RFX2: variants seen among roughly 807,000 people sequenced by gnomAD.
RFX2 encodes DNA-binding protein RFX2.
RFX2 carries 20 observed loss-of-function variants against 87.8 expected under a neutral mutation model. The observed-to-expected ratio is 0.23, with a 90% CI of 0.16 to 0.33. RFX2 has a LOEUF of 0.33. Among genes scored for constraint, RFX2 ranks in the 10% least tolerant of loss-of-function variants. The pLI, the probability that RFX2 is intolerant of heterozygous loss-of-function variation, is 1.00. For missense variants in RFX2, 767 were observed against 1,012.3 expected (o/e 0.76, Z 3.29); for synonymous variants, 397 against 431.3 (o/e 0.92, Z 0.98).
chr19:6,033,104 A>C (rs2086971705), intron 5 of RFX2, among the ~76,000 whole-genome samples: 1 of 152,122 alleles, frequency 6.6e-6, no homozygotes, highest in Non-Finnish European at 1.5e-5. Flanking sequence ...CGATTCTTAG[A>C]GCCACTGGGA....
chr19:6,005,962 A>G (rs1266576049), intron 12 of RFX2, among the ~76,000 whole-genome samples: 3 of 152,172 alleles, frequency 2.0e-5, no homozygotes, highest in Non-Finnish European at 4.4e-5. Flanking sequence ...CCAGGGCTGC[A>G]CACAGGCTAC....
intron 5 of RFX2, among the ~76,000 whole-genome samples, chr19:6,028,886 C>T (rs986769295): frequency 3.3e-5 from 5 of 152,008 alleles, no homozygotes; most frequent in Non-Finnish European, 7.4e-5. Context: ...ACCAGCCTGG[C>T]TAACATGGTG....
At position 6,024,736 on chromosome 19, in the gene RFX2, C is replaced by T. The variant is rs1346837404; in HGVS notation, c.597+1427G>A. 1.3e-5 allele frequency among the ~76,000 whole-genome samples: 2 copies of T among 150,718 alleles called. No homozygotes were observed. Among genetic ancestry groups the T allele is most frequent in the African/African-American group, 2.4e-5 (1 of 40,850 alleles). ...ATCACAGTGAGGACGGGAGTGAGGACGGGATCACGGTGAGGACGGGAGTGA... is the reference window on the plus strand; with the variant it reads ...ATCACAGTGAGGACGGGAGTGAGGATGGGATCACGGTGAGGACGGGAGTGA... On this transcript the variant is annotated intron_variant, in intron 6 of 17. Transcript: ENST00000303657. This position sits in a 1 kb window ranked among gnomAD's most constrained non-coding sequence, Gnocchi z 5.0.
chr19:6,073,170 G>T, intron 1 of RFX2: 1 of 461,366 alleles, frequency 2.2e-6, no homozygotes, highest in Non-Finnish European at 4.0e-6. Flanking sequence ...ATTAGAGACG[G>T]GGTTTCACCA....
rs761572393 is a variant in RFX2, at chr19:6,007,082, C to T, written c.1332G>A (p.Arg444=). The change falls in exon 12 of 18, where the codon AGG becomes AGA. Residue 444 remains arginine (R), a synonymous_variant. Transcript: ENST00000303657. This position sits in a 1 kb window ranked among gnomAD's most constrained non-coding sequence, Gnocchi z 8.2. ...CQCDPILRWM[R]SCDHILYQAL... The stretch of plus-strand genomic sequence containing the variant: ...CCTGGTAGAGGATGTGGTCGCAGCT[C>T]CTCATCCACCTGAGGATGGGGTCGC... The T allele has an allele frequency of 1.4e-5, 22 of 1,614,024 alleles. No individual in the cohort carries two copies. In the East Asian group the frequency reaches 4.7e-4, roughly 34 times the overall value.
rs1328904933 is a variant in RFX2 at position 6,024,695 on chromosome 19, C to G, written c.597+1468G>C. ...GCCTCATTTTACACATCGGCCAGCA[C>G]AGAAGTCAGGATGGAATCACAGTGA... On this transcript the variant is annotated intron_variant, in intron 6 of 17. Coordinates refer to ENST00000303657, the MANE Select transcript of RFX2 (RefSeq NM_000635.4). This position sits in a 1 kb window ranked among gnomAD's most constrained non-coding sequence, Gnocchi z 5.0. Among the ~76,000 whole-genome samples, 1 of 152,124 alleles carries G rather than the reference C, an allele frequency of 6.6e-6. No individual in the cohort carries two copies. Among genetic ancestry groups the G allele is most frequent in the Non-Finnish European group, 1.5e-5 (1 of 68,028 alleles).
intron 1 of RFX2, among the ~76,000 whole-genome samples, chr19:6,088,075 C>T (rs921700240): frequency 2.6e-5 from 4 of 152,096 alleles, no homozygotes; most frequent in Non-Finnish European, 4.4e-5. Flanking sequence ...GAGTCAGAGA[C>T]GAGAACAAAG....
intron 1 of RFX2, among the ~76,000 whole-genome samples, chr19:6,102,829 A>C (rs957216702): frequency 6.6e-6 from 1 of 152,206 alleles, no homozygotes; most frequent in African/African-American, 2.4e-5. Context: ...GTTCAAATAC[A>C]AGAAGCCTCT....
rs1015242822 is a variant in RFX2, at chr19:6,047,349, C to T, written c.90+58G>A. On this transcript the variant is annotated intron_variant, in intron 2 of 17. Transcript: ENST00000303657. This position sits in a 1 kb window ranked among gnomAD's most constrained non-coding sequence, Gnocchi z 4.2. ...TTGCAGATCTGAGCAGCTTTCAAAC[C>T]CATAGAGATCGCGTCCACACTGTGG... 8.8e-6 allele frequency: 12 copies of T among 1,369,410 alleles called. No homozygotes were observed. Among genetic ancestry groups the T allele is most frequent in the Non-Finnish European group, 1.0e-5 (10 of 989,662 alleles). The allele number at this position is 1,369,410 out of a possible 1,614,324, so 84.8% of individuals were successfully genotyped here.
In RFX2 at chr19:6,024,484, C is replaced by T. The variant is rs1259667872; in HGVS notation, c.597+1679G>A. On this transcript the variant is annotated intron_variant, in intron 6 of 17. Transcript: ENST00000303657. The surrounding 1 kb of genome is among the most constrained non-coding windows in gnomAD (Gnocchi z 5.0). ...TTGTTTTGTCTTTTTTGCTTCAAGA[C>T]AATCGGCAGAAGGAAATATTTCTGC... Among the ~76,000 whole-genome samples the T allele has an allele frequency of 5.3e-5, 8 of 152,208 alleles. No homozygotes were observed.
At chr19:6,097,245 C>G (rs1241467245) in intron 1 of RFX2, among the ~76,000 whole-genome samples, 1 of 152,122 alleles carries the variant, frequency 6.6e-6, no homozygotes, top group Non-Finnish European at 1.5e-5. Flanking sequence ...CCAGGCTACT[C>G]GGGTTTCTGG....
rs1254193238 is a variant in RFX2, at chr19:6,074,080, C to T, written c.-8-26576G>A. On this transcript the variant is annotated intron_variant, in intron 1 of 17. Coordinates refer to ENST00000303657, the MANE Select transcript of RFX2 (RefSeq NM_000635.4). This position sits in a 1 kb window ranked among gnomAD's most constrained non-coding sequence, Gnocchi z 5.2. ...CCCCAGCTGAGGTTCTGGGCCTCATCACTAATGACCCACAGCAGCCAAGGT... is the reference window on the plus strand; with the variant it reads ...CCCCAGCTGAGGTTCTGGGCCTCATTACTAATGACCCACAGCAGCCAAGGT... Among the ~76,000 whole-genome samples the T allele has an allele frequency of 1.3e-5, 2 of 152,178 alleles. No homozygotes were observed. The highest frequency in any genetic ancestry group is 2.4e-5 in the African/African-American group (1 of 41,452).
At chr19:6,078,810 T>C (rs1307939999) in intron 1 of RFX2, among the ~76,000 whole-genome samples, 2 of 152,248 alleles carry the variant, frequency 1.3e-5, no homozygotes, top group Non-Finnish European at 2.9e-5. Context: ...GGAATCTTGC[T>C]CTGTCTCCCA....
At chr19:5,995,093 C>T (rs2086387490) in intron 17 of RFX2, 143 bp from the exon 18 acceptor site, 1 of 665,874 alleles carries the variant, frequency 1.5e-6, no homozygotes, top group Non-Finnish European at 2.6e-6. Context: ...ACCTCGGCCT[C>T]TGCTCCAGGC....
rs74766948 is a variant in RFX2, at chr19:6,086,733, C to T, written c.-9+23660G>A. ...ACAGTAATGGATGCATCCACGCACA[C>T]GGCTCATTCCTGTTTTCAGTGATGC... On this transcript the variant is annotated intron_variant, in intron 1 of 17. Coordinates refer to ENST00000303657, the MANE Select transcript of RFX2 (RefSeq NM_000635.4). 4.6e-3 allele frequency among the ~76,000 whole-genome samples: 697 copies of T among 152,362 alleles called. 8 individuals are homozygous for T. The East Asian group carries it at 0.071, about 15-fold the overall frequency.
chr19:6,046,637 T>G (rs1223161113), intron 2 of RFX2, among the ~76,000 whole-genome samples: 1 of 134,688 alleles, frequency 7.4e-6, no homozygotes, highest in Non-Finnish European at 1.6e-5. Flanking sequence ...TTTTTGTCAC[T>G]TAGGTTGGAG....
intron 5 of RFX2, among the ~76,000 whole-genome samples, chr19:6,028,145 T>A (rs1341710167): frequency 1.3e-5 from 2 of 151,896 alleles, no homozygotes; most frequent in African/African-American, 4.8e-5. Flanking sequence ...TATTAATTCA[T>A]TAAAAAATAA....
At chr19:6,015,212 G>A (rs1352948571) in intron 7 of RFX2, among the ~76,000 whole-genome samples, 3 of 152,132 alleles carry the variant, frequency 2.0e-5, no homozygotes, top group African/African-American at 7.2e-5. Context: ...CAGATCACTT[G>A]AGGCCAAGAG....
At chr19:6,055,215 T>C (rs2087319349) in intron 1 of RFX2, among the ~76,000 whole-genome samples, 1 of 152,150 alleles carries the variant, frequency 6.6e-6, no homozygotes, top group South Asian at 2.1e-4. Flanking sequence ...ATGTTGTAAG[T>C]ACATGGAGCA....
Sources: allele counts gnomAD v4.1 joint callset (sites outside exome capture counted in the v4.1 genomes callset), GRCh38; gene constraint gnomAD v4.1.1; non-coding constraint Gnocchi (gnomAD v3.1); transcripts MANE v1.5; gene names NCBI Gene and HGNC (gene_info 2026-07-23, HGNC 2026-07-21).